ABHD2: variants seen among roughly 807,000 people sequenced by gnomAD.
ABHD2 encodes monoacylglycerol lipase ABHD2.
In ABHD2, 20 loss-of-function variants were observed where a neutral mutation model predicts 48.1. The ratio of observed to expected loss-of-function variants is 0.42; its 90% confidence interval spans 0.29 to 0.60. The LOEUF is 0.60. ABHD2 is among the 20% of genes least tolerant of loss of function. The pLI is 0.24. For synonymous variants in ABHD2, 209 were observed against 214.2 expected (o/e 0.98, Z 0.21); for missense variants, 405 against 550.9 (o/e 0.74, Z 2.65).
At chr15:89,194,082 T>G (rs2051352344) in intron 10 of ABHD2, among the ~76,000 whole-genome samples, 1 of 152,000 alleles carries the variant, frequency 6.6e-6, no homozygotes, top group South Asian at 2.1e-4. Context: ...CAGAGCAAGA[T>G]TCTGTCTCTA....
At chr15:89,050,287 C>A in the ABHD2 span, among the ~76,000 whole-genome samples, 2 of 152,210 alleles carry the variant, frequency 1.3e-5, no homozygotes, top group South Asian at 4.1e-4. Context: ...ATGGAATTTG[C>A]CGAGACTCTG....
Position 89,176,010 on chromosome 15 carries a change from C to A in ABHD2, c.722+15C>A. 2 of 1,581,134 alleles carry A rather than the reference C, an allele frequency of 1.3e-6. No individual in the cohort carries two copies. The highest frequency in any genetic ancestry group is 1.7e-6 in the Non-Finnish European group (2 of 1,162,388). On this transcript the variant is annotated intron_variant, in intron 6 of 10. Coordinates refer to ENST00000352732, the MANE Select transcript of ABHD2 (RefSeq NM_152924.5). This position sits in a 1 kb window ranked among gnomAD's most constrained non-coding sequence, Gnocchi z 4.5. ...AGTGCACTGAGGTGAGTCATCTCCGCCTTCCATCAGGGCCTTCAGTTAGCC... is the reference window on the plus strand; with the variant it reads ...AGTGCACTGAGGTGAGTCATCTCCGACTTCCATCAGGGCCTTCAGTTAGCC...
chr15:89,162,943 C>G (rs1363857782), intron 5 of ABHD2, among the ~76,000 whole-genome samples: 3 of 152,214 alleles, frequency 2.0e-5, no homozygotes, highest in African/African-American at 7.2e-5. Flanking sequence ...TGAATGCCTA[C>G]TGAGATGGGA....
the ABHD2 span, among the ~76,000 whole-genome samples, chr15:89,080,555 A>G: frequency 6.6e-6 from 1 of 152,212 alleles, no homozygotes; most frequent in East Asian, 1.9e-4. Context: ...AATGTACAAG[A>G]CAGGAGCAAT....
chr15:89,096,732 T>G (rs1382901517), intron 1 of ABHD2, among the ~76,000 whole-genome samples: 1 of 152,062 alleles, frequency 6.6e-6, no homozygotes, highest in African/African-American at 2.4e-5. Context: ...CCAAAGAGAG[T>G]GACAAAAGTT....
At chr15:89,060,637 A>G in the ABHD2 span, among the ~76,000 whole-genome samples, 1 of 151,976 alleles carries the variant, frequency 6.6e-6, no homozygotes, top group African/African-American at 2.4e-5. Flanking sequence ...CCCCAAGTCC[A>G]GGTGTAATCT....
chr15:89,042,403 G>A, the ABHD2 span, among the ~76,000 whole-genome samples: 4 of 152,032 alleles, frequency 2.6e-5, no homozygotes, highest in Non-Finnish European at 4.4e-5. Context: ...TGAAGCACAT[G>A]CTCCAAGTAC....
At chr15:89,157,325 A>T (rs1469801150) in intron 5 of ABHD2, among the ~76,000 whole-genome samples, 2 of 152,336 alleles carry the variant, frequency 1.3e-5, no homozygotes, top group East Asian at 3.9e-4. Context: ...CAGCAAGGTC[A>T]TTCCAATTAC....
In ABHD2 at chr15:89,155,277, C is replaced by T. The variant is rs1054595615; in HGVS notation, c.371-90C>T. The T allele has an allele frequency of 4.3e-6, 6 of 1,407,328 alleles. No homozygotes were observed. The East Asian group carries it at 1.4e-4, about 33-fold the overall frequency. 87.2% of individuals were successfully genotyped at this position (1,407,328 alleles called of 1,614,324 possible). Reference sequence around the variant, plus strand: ...GAAAGATGTATGTTGAATTCCCTCCCCTTGTTTTCTAGACCAGTGAAGTGT... The same window carrying T: ...GAAAGATGTATGTTGAATTCCCTCCTCTTGTTTTCTAGACCAGTGAAGTGT... On this transcript the variant is annotated intron_variant, in intron 4 of 10. Coordinates refer to ENST00000352732, the MANE Select transcript of ABHD2 (RefSeq NM_152924.5). This position sits in a 1 kb window ranked among gnomAD's most constrained non-coding sequence, Gnocchi z 4.9.
upstream of ABHD2, among the ~76,000 whole-genome samples, chr15:89,083,879 A>G (rs1035104834): frequency 6.6e-6 from 1 of 152,174 alleles, no homozygotes; most frequent in African/African-American, 2.4e-5. This position sits in a 1 kb window ranked among gnomAD's most constrained non-coding sequence, Gnocchi z 5.1. Context: ...CTTCATCTCC[A>G]TTACCAATAA....
intron 3 of ABHD2, chr15:89,135,923 T>A: frequency 1.8e-6 from 1 of 545,018 alleles, no homozygotes; most frequent in African/African-American, 1.9e-5. Flanking sequence ...TGGGATCCTT[T>A]AACTTTTTTT....
Position 89,201,020 on chromosome 15 carries a change from T to A in ABHD2, c.*5597T>A. 1 of 594,798 alleles carries A rather than the reference T, an allele frequency of 1.7e-6. No homozygotes were observed. The highest frequency in any genetic ancestry group is 2.0e-5 in the South Asian group (1 of 50,372). The allele number at this position is 594,798 out of a possible 1,614,324, so 36.8% of individuals were successfully genotyped here. On this transcript the variant is annotated 3_prime_UTR_variant, in exon 11 of 11. Transcript: ENST00000352732. ...TTGCTTGAACCCAGGAGACGGAGGTTGCAGTGAGCCGAGATCACGCCTCTG... is the reference window on the plus strand; with the variant it reads ...TTGCTTGAACCCAGGAGACGGAGGTAGCAGTGAGCCGAGATCACGCCTCTG...
intron 10 of ABHD2, among the ~76,000 whole-genome samples, chr15:89,194,401 G>A (rs901801256): frequency 1.3e-5 from 2 of 152,078 alleles, no homozygotes; most frequent in Non-Finnish European, 2.9e-5. Flanking sequence ...CATGAGAATC[G>A]CTTGAACCCG....
At chr15:89,075,531 A>G in the ABHD2 span, 1 of 152,386 alleles carries the variant, frequency 6.6e-6, no homozygotes, top group Non-Finnish European at 1.5e-5. This position sits in a 1 kb window ranked among gnomAD's most constrained non-coding sequence, Gnocchi z 4.1. Context: ...GAGGAGAAGG[A>G]GGGAAGGCTA....
chr15:89,112,230 G>T (rs1464017101), intron 1 of ABHD2, among the ~76,000 whole-genome samples: 1 of 152,168 alleles, frequency 6.6e-6, no homozygotes, highest in African/African-American at 2.4e-5. Flanking sequence ...CTGGCCCTGT[G>T]TTGCCAAATC....
chr15:89,185,461 C>A lies in ABHD2; in HGVS notation c.760C>A (p.Arg254=). ...CTTCATGCAATGGGATCAGTGCCGGCGGTTCTACAACTTCCTCATGGCTGA... is the reference window on the plus strand; with the variant it reads ...CTTCATGCAATGGGATCAGTGCCGGAGGTTCTACAACTTCCTCATGGCTGA... ...ETFMQWDQCR[R]FYNFLMADNM... The change falls in exon 7 of 11, where the codon CGG becomes AGG. Residue 254 remains arginine (R), a synonymous_variant. Transcript: ENST00000352732. This position sits in a 1 kb window ranked among gnomAD's most constrained non-coding sequence, Gnocchi z 5.9. The A allele has an allele frequency of 6.2e-7, 1 of 1,614,128 alleles. No homozygotes were observed. Among genetic ancestry groups the A allele is most frequent in the Non-Finnish European group, 8.5e-7 (1 of 1,179,998 alleles).
At chr15:89,154,380 T>G (rs1157667514) in intron 4 of ABHD2, among the ~76,000 whole-genome samples, 1 of 152,250 alleles carries the variant, frequency 6.6e-6, no homozygotes, top group Middle Eastern at 3.2e-3. Context: ...TCAAATTTAA[T>G]GACCTAAGCA....
At chr15:89,103,468 A>G (rs1434275848) in intron 1 of ABHD2, among the ~76,000 whole-genome samples, 2 of 152,164 alleles carry the variant, frequency 1.3e-5, no homozygotes, top group Admixed American at 6.5e-5. Context: ...AATTCACCCA[A>G]GGTCACTTGG....
Position 89,184,147 on chromosome 15 carries a change from T to C in ABHD2, c.723-1277T>C, listed in dbSNP as rs2051166540. 6.6e-6 allele frequency among the ~76,000 whole-genome samples: 1 copy of C among 152,154 alleles called. No homozygotes were observed. Among genetic ancestry groups the C allele is most frequent in the Non-Finnish European group, 1.5e-5 (1 of 68,044 alleles). On this transcript the variant is annotated intron_variant, in intron 6 of 10. Transcript: ENST00000352732. The surrounding 1 kb of genome is among the most constrained non-coding windows in gnomAD (Gnocchi z 5.1). ...TGTTTGATGAGCACATTGCAGACCA[T>C]TAAATTCACAAACCATTTCATTCTT...
Sources: allele counts gnomAD v4.1 joint callset (sites outside exome capture counted in the v4.1 genomes callset), GRCh38; gene constraint gnomAD v4.1.1; non-coding constraint Gnocchi (gnomAD v3.1); transcripts MANE v1.5; gene names NCBI Gene and HGNC (gene_info 2026-07-23, HGNC 2026-07-21).